Variants in HPSE2 observed in about 807,000 individuals in gnomAD.
HPSE2 encodes heparanase 2 (inactive).
Under a neutral mutation model 60.5 loss-of-function variants are expected in HPSE2, and 38 were observed. That is an observed-to-expected ratio of 0.63 (90% confidence interval 0.48 to 0.82). The LOEUF (loss-of-function observed/expected upper bound fraction) is 0.82. HPSE2 is among the 40% of genes least tolerant of loss of function. HPSE2 has a pLI of 0.00. For missense variants in HPSE2, 713 were observed against 740.4 expected, an observed-to-expected ratio of 0.96 and a Z score of 0.43; for synonymous variants, 295 against 293.2, an observed-to-expected ratio of 1.01 and a Z score of -0.06.
intron 3 of HPSE2, among the ~76,000 whole-genome samples, chr10:99,095,836 A>G (rs985590416): frequency 6.6e-6 from 1 of 152,240 alleles, no homozygotes; most frequent in African/African-American, 2.4e-5. Flanking sequence ...TGTTATAAAT[A>G]TTTGTATACA....
intron 4 of HPSE2, among the ~76,000 whole-genome samples, chr10:98,725,070 C>A (rs1231483142): frequency 2.0e-5 from 3 of 152,070 alleles, no homozygotes; most frequent in Non-Finnish European, 4.4e-5. Context: ...TGCCCAAGGT[C>A]ATTTATAGAT....
In HPSE2 at chr10:98,604,127, A is replaced by G. The variant is rs56306587; in HGVS notation, c.1320+10777T>C. On this transcript the variant is annotated intron_variant, in intron 9 of 11. Coordinates refer to ENST00000370552, the MANE Select transcript of HPSE2 (RefSeq NM_021828.5). The stretch of plus-strand genomic sequence containing the variant: ...TAAATTACAAGGCACACTTAAAGGG[A>G]AAAAACACAGTTTGAAGAAACAGAG... Among the ~76,000 whole-genome samples the G allele has an allele frequency of 1.2e-3, 186 of 152,300 alleles. 1 individual carries two copies. The highest frequency in any genetic ancestry group is 2.5e-3 in the Admixed American group (38 of 15,298).
chr10:98,746,685 G>C (rs1332572020), intron 3 of HPSE2, among the ~76,000 whole-genome samples: 2 of 151,588 alleles, frequency 1.3e-5, no homozygotes, highest in Non-Finnish European at 2.9e-5. Flanking sequence ...GTCCTATTTA[G>C]TTTTAAATAG....
chr10:98,992,826 G>A (rs1399285524), intron 3 of HPSE2, among the ~76,000 whole-genome samples: 1 of 152,120 alleles, frequency 6.6e-6, no homozygotes, highest in African/African-American at 2.4e-5. Flanking sequence ...AGAAGCACAG[G>A]GTTTGAAGTT....
At chr10:98,564,480 G>A (rs573802428) in intron 9 of HPSE2, among the ~76,000 whole-genome samples, 5 of 152,002 alleles carry the variant, frequency 3.3e-5, no homozygotes, top group African/African-American at 9.7e-5. Flanking sequence ...ATTTTTAGTT[G>A]TCCAGTAATT....
At chr10:98,489,441 G>C (rs898304194) in intron 10 of HPSE2, among the ~76,000 whole-genome samples, 12 of 152,156 alleles carry the variant, frequency 7.9e-5, no homozygotes, top group Non-Finnish European at 1.2e-4. Context: ...GTTGTCCAGA[G>C]CCCTCAGAAA....
At chr10:98,681,115 T>C (rs1159405823) in intron 6 of HPSE2, among the ~76,000 whole-genome samples, 2 of 152,008 alleles carry the variant, frequency 1.3e-5, no homozygotes, top group Non-Finnish European at 2.9e-5. Flanking sequence ...TTGAAACAAT[T>C]AAAGACAAAT....
At chr10:98,802,398 C>T (rs1325563910) in intron 3 of HPSE2, among the ~76,000 whole-genome samples, 1 of 150,294 alleles carries the variant, frequency 6.7e-6, no homozygotes, top group East Asian at 2.0e-4. Context: ...TATACATGTG[C>T]CATGCTGGTG....
intron 5 of HPSE2, 70 bp downstream of exon 5, chr10:98,721,587 A>T: frequency 7.0e-7 from 1 of 1,432,380 alleles, no homozygotes; most frequent in Non-Finnish European, 9.7e-7. Context: ...ATAAATAACC[A>T]AGAGAAATGC....
At chr10:98,509,741 C>T (rs566636186) in intron 9 of HPSE2, among the ~76,000 whole-genome samples, 6 of 152,220 alleles carry the variant, frequency 3.9e-5, no homozygotes, top group Admixed American at 3.9e-4. Flanking sequence ...ACCTCGTGAT[C>T]CACCCGCCTC....
intron 3 of HPSE2, among the ~76,000 whole-genome samples, chr10:98,842,137 T>C (rs1951929423): frequency 6.6e-6 from 1 of 152,208 alleles, no homozygotes; most frequent in Admixed American, 6.5e-5. Context: ...GTAAATACAG[T>C]ACATTCTATA....
At chr10:98,654,449 C>A (rs1467077716) in intron 6 of HPSE2, among the ~76,000 whole-genome samples, 12 of 152,140 alleles carry the variant, frequency 7.9e-5, no homozygotes, top group Admixed American at 2.6e-4. Context: ...TCAGTTTGGG[C>A]AATTTCTATT....
chr10:99,070,131 A>T (rs60255553), intron 3 of HPSE2, among the ~76,000 whole-genome samples: 4 of 152,228 alleles, frequency 2.6e-5, no homozygotes, highest in Non-Finnish European at 4.4e-5. Context: ...ACTAGACTTC[A>T]TCGAAATTAA....
chr10:98,825,809 A>C (rs1312913049), intron 3 of HPSE2, among the ~76,000 whole-genome samples: 1 of 152,144 alleles, frequency 6.6e-6, no homozygotes, highest in Non-Finnish European at 1.5e-5. Flanking sequence ...ACTTATATAC[A>C]CACACTCCTT....
At chr10:99,135,409 T>C (rs1845607703) in intron 3 of HPSE2, among the ~76,000 whole-genome samples, 1 of 152,196 alleles carries the variant, frequency 6.6e-6, no homozygotes, top group African/African-American at 2.4e-5. Flanking sequence ...ATATACATCA[T>C]TCTCAGCACC....
rs1205133800 is a variant in HPSE2 at position 98,936,459 on chromosome 10, T to G, written c.611-192403A>C. On this transcript the variant is annotated intron_variant, in intron 3 of 11. Transcript: ENST00000370552. ...ACGAGGGAATCTCCTAATCCCCAGA[T>G]AGCAAAAATCTTTGGGAAAAGCATA... Among the ~76,000 whole-genome samples the G allele has an allele frequency of 5.6e-5, 8 of 143,346 alleles. 1 individual carries two copies. Among genetic ancestry groups the G allele is most frequent in the African/African-American group, 8.6e-5 (3 of 35,076 alleles). The allele number at this position is 143,346 out of a possible 152,430, so 94.0% of individuals were successfully genotyped here. A position where few individuals can be genotyped will look rare whatever the true frequency, so the allele number is the denominator to read the frequency against.
chr10:98,628,243 C>G (rs1946270061), intron 7 of HPSE2, among the ~76,000 whole-genome samples: 1 of 152,208 alleles, frequency 6.6e-6, no homozygotes, highest in Non-Finnish European at 1.5e-5. Context: ...AGTGGAGGTA[C>G]AGACACTGAA....
At chr10:99,047,663 A>G in intron 3 of HPSE2, 1 of 765,824 alleles carries the variant, frequency 1.3e-6, no homozygotes, top group African/African-American at 1.7e-5. Flanking sequence ...AGAGAAGAAG[A>G]AGACGGTTCC....
At chr10:98,477,047 C>T (rs1941052348) in intron 11 of HPSE2, among the ~76,000 whole-genome samples, 1 of 152,112 alleles carries the variant, frequency 6.6e-6, no homozygotes, top group Admixed American at 6.5e-5. Context: ...AAAAAGTGCA[C>T]TAGAGTAAGG....
Sources: allele counts gnomAD v4.1 joint callset (sites outside exome capture counted in the v4.1 genomes callset), GRCh38; gene constraint gnomAD v4.1.1; transcripts MANE v1.5; gene names NCBI Gene and HGNC (gene_info 2026-07-23, HGNC 2026-07-21).